Variants in RPS6KC1 observed in about 807,000 individuals in gnomAD.
The protein encoded by RPS6KC1 is ribosomal protein S6 kinase C1.
In RPS6KC1, 54 loss-of-function variants were observed where a neutral mutation model predicts 103.8. That is an observed-to-expected ratio of 0.52 (90% confidence interval 0.42 to 0.65). The LOEUF (loss-of-function observed/expected upper bound fraction) is 0.65, where lower values mean the gene tolerates loss of function less well. Among genes scored for constraint, RPS6KC1 ranks in the 30% least tolerant of loss-of-function variants. The pLI is 0.00. For synonymous variants in RPS6KC1, 439 were observed against 438.7 expected, an observed-to-expected ratio of 1.00 and a Z score of -0.01; for missense variants, 1,151 against 1,253.8, an observed-to-expected ratio of 0.92 and a Z score of 1.24.
the RPS6KC1 span, among the ~76,000 whole-genome samples, chr1:213,717,387 A>G: frequency 6.6e-6 from 1 of 152,360 alleles, no homozygotes; most frequent in African/African-American, 2.4e-5. Flanking sequence ...GACAAGGCAA[A>G]CAAGAAGGAA....
the RPS6KC1 span, among the ~76,000 whole-genome samples, chr1:213,683,300 G>T: frequency 6.6e-6 from 1 of 152,028 alleles, no homozygotes; most frequent in African/African-American, 2.4e-5. Flanking sequence ...ATGATTTTTT[G>T]AATGGGCATG....
intron 6 of RPS6KC1, among the ~76,000 whole-genome samples, chr1:213,160,364 C>T (rs941598799): frequency 3.3e-5 from 5 of 152,142 alleles, no homozygotes. Flanking sequence ...GCTGTATTTT[C>T]CTCATGTTAT....
the RPS6KC1 span, among the ~76,000 whole-genome samples, chr1:213,683,336 C>G: frequency 7.2e-5 from 11 of 152,104 alleles, no homozygotes; most frequent in Non-Finnish European, 1.5e-4. Flanking sequence ...GAGAAAATGT[C>G]CTTGTCAAAA....
the RPS6KC1 span, among the ~76,000 whole-genome samples, chr1:213,689,443 T>C: frequency 8.5e-5 from 13 of 152,212 alleles, no homozygotes; most frequent in Admixed American, 2.6e-4. Flanking sequence ...GTTTAGCATA[T>C]GATCAAGAGC....
the RPS6KC1 span, among the ~76,000 whole-genome samples, chr1:213,434,064 C>A: frequency 0.15 from 21,060 of 138,540 alleles, 1,921 homozygotes; most frequent in East Asian, 0.27. Flanking sequence ...TTTTTTTTTA[C>A]TGTGTATTAG....
chr1:213,632,393 C>T, the RPS6KC1 span, among the ~76,000 whole-genome samples: 1 of 152,174 alleles, frequency 6.6e-6, no homozygotes, highest in Non-Finnish European at 1.5e-5. Context: ...TGGTGATACC[C>T]AGGCAAACGG....
chr1:213,583,390 A>T, the RPS6KC1 span, among the ~76,000 whole-genome samples: 21,220 of 152,194 alleles, frequency 0.14, 1,598 homozygotes, highest in Non-Finnish European at 0.17. Context: ...AGGAGGGTTG[A>T]AGTTGCAGAG....
At chr1:213,336,770 G>GT in the RPS6KC1 span, among the ~76,000 whole-genome samples, 2 of 152,166 alleles carry the variant, frequency 1.3e-5, no homozygotes, top group African/African-American at 4.8e-5. Context: ...CTAAATCTGT[G>GT]TTTTCTGGCT....
chr1:213,567,763 C>T, the RPS6KC1 span, among the ~76,000 whole-genome samples: 2 of 152,136 alleles, frequency 1.3e-5, no homozygotes, highest in Non-Finnish European at 2.9e-5. Flanking sequence ...CAGGTCTTAC[C>T]AGCTAGTAAT....
At chr1:213,210,561 A>G (rs1343472284) in intron 8 of RPS6KC1, among the ~76,000 whole-genome samples, 1 of 152,200 alleles carries the variant, frequency 6.6e-6, no homozygotes, top group African/African-American at 2.4e-5. Context: ...GAACTTGTCA[A>G]TTTGAGAATG....
chr1:213,390,529 A>G, the RPS6KC1 span, among the ~76,000 whole-genome samples: 1 of 152,340 alleles, frequency 6.6e-6, no homozygotes, highest in Non-Finnish European at 1.5e-5. Context: ...CAATCATCGG[A>G]CTAAGAGTTT....
the RPS6KC1 span, among the ~76,000 whole-genome samples, chr1:213,390,099 G>C: frequency 6.6e-6 from 1 of 152,126 alleles, no homozygotes; most frequent in African/African-American, 2.4e-5. Flanking sequence ...TTTGCTGCTT[G>C]AGATGACATT....
chr1:213,167,749 T>C (rs2148176237), intron 6 of RPS6KC1, 109 bp from the exon 7 acceptor site: 2 of 536,418 alleles, frequency 3.7e-6, no homozygotes, highest in Non-Finnish European at 6.4e-6. Context: ...GAATATCTCT[T>C]CTTTTTTGTT....
At chr1:213,424,171 G>A in the RPS6KC1 span, among the ~76,000 whole-genome samples, 1 of 152,200 alleles carries the variant, frequency 6.6e-6, no homozygotes. Flanking sequence ...ATTGAAGTGA[G>A]AAAATAAACC....
intron 12 of RPS6KC1, among the ~76,000 whole-genome samples, chr1:213,260,266 T>A (rs1324149746): frequency 6.6e-6 from 1 of 152,134 alleles, no homozygotes; most frequent in African/African-American, 2.4e-5. Flanking sequence ...AGTTGGAGAA[T>A]GGAAATTGTG....
intron 7 of RPS6KC1, among the ~76,000 whole-genome samples, chr1:213,170,113 T>G (rs2091356450): frequency 6.6e-6 from 1 of 152,210 alleles, no homozygotes; most frequent in Non-Finnish European, 1.5e-5. Flanking sequence ...GATTTAAAAT[T>G]ACCAGTATTC....
the RPS6KC1 span, among the ~76,000 whole-genome samples, chr1:213,566,749 T>C: frequency 3.3e-5 from 5 of 152,078 alleles, no homozygotes; most frequent in Admixed American, 1.3e-4. Context: ...TTTTTTTGTT[T>C]CTAGAAATTC....
chr1:213,791,963 G>A, the RPS6KC1 span, among the ~76,000 whole-genome samples: 2 of 152,202 alleles, frequency 1.3e-5, no homozygotes, highest in Non-Finnish European at 2.9e-5. Flanking sequence ...AGTACGCCAT[G>A]TTCAGGCAAA....
chr1:213,276,880 T>C (rs2095113670), downstream of RPS6KC1, among the ~76,000 whole-genome samples: 1 of 152,210 alleles, frequency 6.6e-6, no homozygotes, highest in African/African-American at 2.4e-5. Context: ...TTTGCCTGTT[T>C]CCTAGACCTT....
Sources: gnomAD v4.1 joint callset for allele counts (sites outside exome capture counted in the v4.1 genomes callset) on GRCh38, gnomAD v4.1.1 for gene constraint, MANE v1.5 for transcripts, NCBI Gene and HGNC (gene_info 2026-07-23, HGNC 2026-07-21) for gene names.